Variants in LRRC9 observed in about 807,000 individuals in gnomAD.
The protein encoded by LRRC9 is leucine rich repeat containing 9.
LRRC9 carries 122 observed loss-of-function variants against 63.2 expected under a neutral mutation model. That is an observed-to-expected ratio of 1.93 (90% CI 1.67 to 2.24). LRRC9 has a LOEUF of 2.24. LRRC9 is among the 30% of genes most tolerant of loss of function. The probability of loss-of-function intolerance (pLI) is 0.00; values close to 1 mark genes in which losing one functional copy is unlikely to be tolerated. For synonymous variants in LRRC9, 366 were observed against 213.1 expected (o/e 1.72, Z -6.25); for missense variants, 1,071 against 627.7 (o/e 1.71, Z -7.55).
chr14:59,947,493 C>G (rs1441961572), intron 8 of LRRC9, among the ~76,000 whole-genome samples: 1 of 129,174 alleles, frequency 7.7e-6, no homozygotes, highest in African/African-American at 3.2e-5. Flanking sequence ...TTTTGCTGTG[C>G]AGAAGCTCTT....
intron 19 of LRRC9, among the ~76,000 whole-genome samples, chr14:60,001,194 G>C (rs1889328200): frequency 6.6e-6 from 1 of 152,018 alleles, no homozygotes; most frequent in South Asian, 2.1e-4. Context: ...ATATTTGTGT[G>C]TGTGTGTGTG....
At chr14:60,045,901 A>G (rs752690651) in intron 29 of LRRC9, among the ~76,000 whole-genome samples, 20 of 152,044 alleles carry the variant, frequency 1.3e-4, no homozygotes, top group Non-Finnish European at 2.6e-4. Flanking sequence ...AGAGTGTAAA[A>G]GCTTTTTTTT....
rs1247403746 is a variant in LRRC9, at chr14:60,053,067, T to A, written c.3993T>A (p.Ile1331=). ...TTGTTATTTTTAACTTTATTCAGAT[T>A]TGTAGAAAAATGCTACATCGCCACA... is the stretch of plus-strand genomic sequence containing the variant. Residue 1331 remains isoleucine, a splice_region_variant and synonymous_variant, in exon 30 of 32, where the codon ATT becomes ATA. Coordinates refer to ENST00000445360, the Ensembl canonical transcript of LRRC9. This position sits in a 1 kb window ranked among gnomAD's most constrained non-coding sequence, Gnocchi z 4.8. The A allele has an allele frequency of 2.9e-6, 2 of 695,106 alleles. No homozygotes were observed. The highest frequency in any genetic ancestry group is 3.0e-5 in the South Asian group (2 of 65,662). The allele number at this position is 695,106 out of a possible 1,614,324, so 43.1% of individuals were successfully genotyped here.
intron 16 of LRRC9, among the ~76,000 whole-genome samples, chr14:59,982,935 A>G (rs763766550): frequency 6.6e-6 from 1 of 152,220 alleles, no homozygotes; most frequent in Non-Finnish European, 1.5e-5. Context: ...ATTAATCAAC[A>G]TAGAATATGG....
intron 29 of LRRC9, among the ~76,000 whole-genome samples, chr14:60,037,949 G>T (rs1892593922): frequency 6.6e-6 from 1 of 152,186 alleles, no homozygotes; most frequent in South Asian, 2.1e-4. Context: ...TGTATAAGAT[G>T]TAAGGAAGGG....
At chr14:59,976,037 C>A (rs892439292) in intron 13 of LRRC9, among the ~76,000 whole-genome samples, 1 of 152,328 alleles carries the variant, frequency 6.6e-6, no homozygotes, top group African/African-American at 2.4e-5. Flanking sequence ...CTTATAGGGG[C>A]GCGAACCCTA....
At chr14:59,968,522 G>A (rs1327278347) in intron 12 of LRRC9, among the ~76,000 whole-genome samples, 4 of 152,214 alleles carry the variant, frequency 2.6e-5, no homozygotes, top group Admixed American at 2.0e-4. Context: ...GGGAGTAGAA[G>A]CAGATGACAA....
intron 17 of LRRC9, among the ~76,000 whole-genome samples, chr14:59,993,532 A>G (rs962839955): frequency 7.9e-5 from 12 of 152,236 alleles, no homozygotes; most frequent in Admixed American, 7.9e-4. Flanking sequence ...TGGATAAAGA[A>G]TCAAGACCCA....
intron 23 of LRRC9, among the ~76,000 whole-genome samples, chr14:60,014,492 CTT>C (rs1890518296): frequency 6.6e-6 from 1 of 151,492 alleles, no homozygotes; most frequent in East Asian, 1.9e-4. Context: ...CTTGCTTTCT[CTT>C]TTTATTTCTG....
Position 60,006,626 on chromosome 14 carries a change from C to A in LRRC9, c.3063+9C>A. 1 of 595,818 alleles carries A rather than the reference C, an allele frequency of 1.7e-6. No homozygotes were observed. Among genetic ancestry groups the A allele is most frequent in the Non-Finnish European group, 3.0e-6 (1 of 334,270 alleles). The allele number at this position is 595,818 out of a possible 1,614,324, so 36.9% of individuals were successfully genotyped here. ...AGATGCACAATTTAAAGGTAATCAT[C>A]TGGGTAGTAATTTTTTTGTTTTTTA... is the stretch of plus-strand genomic sequence containing the variant. On this transcript the variant is annotated intron_variant, in intron 22 of 31. Transcript: ENST00000445360.
intron 13 of LRRC9, among the ~76,000 whole-genome samples, chr14:59,975,505 C>T (rs1482853650): frequency 6.6e-6 from 1 of 151,828 alleles, no homozygotes; most frequent in East Asian, 1.9e-4. Flanking sequence ...GGAGAAACTC[C>T]CTGGTACCCA....
intron 12 of LRRC9, among the ~76,000 whole-genome samples, chr14:59,970,364 G>A (rs1404869030): frequency 6.6e-6 from 1 of 152,022 alleles, no homozygotes; most frequent in African/African-American, 2.4e-5. Flanking sequence ...CTATGTCTTT[G>A]CTGTTGTGAA....
At chr14:60,066,165 C>T (rs1421883502), downstream of LRRC9, among the ~76,000 whole-genome samples, 1 of 151,504 alleles carries the variant, frequency 6.6e-6, no homozygotes, top group Non-Finnish European at 1.5e-5. Flanking sequence ...ACTATTGACA[C>T]AAAATTAACT....
At chr14:59,963,425 T>C (rs570172559) in intron 10 of LRRC9, among the ~76,000 whole-genome samples, 2 of 152,128 alleles carry the variant, frequency 1.3e-5, no homozygotes, top group East Asian at 3.9e-4. Flanking sequence ...ACAACATTTA[T>C]CAAGTAGGGA....
In LRRC9 at chr14:59,958,777, G is replaced by C. The variant is rs113954335; in HGVS notation, c.883-1041G>C. ...GTATAGGCACACGAGGGAATCTCCT[G>C]ATCTGCAGATTGCAAAAACGGTGGG... On this transcript the variant is annotated intron_variant, in intron 8 of 31. Transcript: ENST00000445360. The surrounding 1 kb of genome is among the most constrained non-coding windows in gnomAD (Gnocchi z 4.0). Among the ~76,000 whole-genome samples the C allele has an allele frequency of 0.014, 2,175 of 152,362 alleles. 33 individuals carry two copies. Among genetic ancestry groups the C allele is most frequent in the Non-Finnish European group, 0.019 (1,325 of 68,034 alleles).
At chr14:59,982,352 T>C (rs1409934327) in intron 16 of LRRC9, among the ~76,000 whole-genome samples, 1 of 152,246 alleles carries the variant, frequency 6.6e-6, no homozygotes, top group African/African-American at 2.4e-5. Flanking sequence ...ATATCTTAGT[T>C]TGTTTTCTAT....
At chr14:59,945,568 A>G (rs1055071574) in intron 8 of LRRC9, among the ~76,000 whole-genome samples, 1 of 152,040 alleles carries the variant, frequency 6.6e-6, no homozygotes, top group East Asian at 1.9e-4. Flanking sequence ...AAGAAATACT[A>G]GAAATCACAA....
Position 59,938,960 on chromosome 14 carries a change from CACATATAT to C in LRRC9, c.726+408_726+415del, listed in dbSNP as rs200286471. Among the ~76,000 whole-genome samples the C allele has an allele frequency of 1.9e-4, 27 of 143,106 alleles. 1 individual carries two copies. Among genetic ancestry groups the C allele is most frequent in the South Asian group, 1.1e-3 (5 of 4,678 alleles). The allele number at this position is 143,106 out of a possible 152,430, so 93.9% of individuals were successfully genotyped here. A position where few individuals can be genotyped will look rare whatever the true frequency, so the allele number is the denominator to read the frequency against. ...ATATACATATACATACATATATACACACATATATACATATATACATATATACACACATA... is the reference window on the plus strand; with the variant it reads ...ATATACATATACATACATATATACACACATATATACATATATACACACATA... On this transcript the variant is annotated intron_variant, in intron 7 of 31. Transcript: ENST00000445360. The surrounding 1 kb of genome is among the most constrained non-coding windows in gnomAD (Gnocchi z 4.2).
At chr14:60,056,642 T>C (rs1394409936) in intron 30 of LRRC9, among the ~76,000 whole-genome samples, 1 of 152,132 alleles carries the variant, frequency 6.6e-6, no homozygotes, top group Non-Finnish European at 1.5e-5. Context: ...GTAAATACTT[T>C]ATTAAATATT....
Sources: allele counts gnomAD v4.1 joint callset (sites outside exome capture counted in the v4.1 genomes callset), GRCh38; gene constraint gnomAD v4.1.1; non-coding constraint Gnocchi (gnomAD v3.1); transcripts MANE v1.5; gene names NCBI Gene and HGNC (gene_info 2026-07-23, HGNC 2026-07-21).